Variants in SERINC5 observed in about 807,000 individuals in gnomAD.
SERINC5 encodes the protein serine incorporator 5, also known as chromosome 5 open reading frame 12.
A neutral mutation model predicts 63.1 loss-of-function variants in SERINC5; 41 were observed. The observed-to-expected ratio is 0.65, with a 90% confidence interval of 0.51 to 0.84. The LOEUF (loss-of-function observed/expected upper bound fraction) is 0.84, where lower values mean the gene tolerates loss of function less well. Among genes scored for constraint, SERINC5 ranks in the 40% least tolerant of loss-of-function variants. The pLI is 0.00. For missense variants in SERINC5, 523 were observed against 573.0 expected, an observed-to-expected ratio of 0.91 and a Z score of 0.89; for synonymous variants, 222 against 215.2, an observed-to-expected ratio of 1.03 and a Z score of -0.28.
chr5:80,118,714 ATT>A (rs34814066), intron 11 of SERINC5, among the ~76,000 whole-genome samples: 18 of 108,222 alleles, frequency 1.7e-4, no homozygotes, highest in South Asian at 1.2e-3. Flanking sequence ...TGTCCAGCTA[ATT>A]TTTTTTTTTT....
At chr5:80,201,523 C>G (rs147268821) in intron 2 of SERINC5, among the ~76,000 whole-genome samples, 1 of 152,172 alleles carries the variant, frequency 6.6e-6, no homozygotes, top group Non-Finnish European at 1.5e-5. Flanking sequence ...AACCACAGAG[C>G]CTCACATCAG....
intron 1 of SERINC5, among the ~76,000 whole-genome samples, chr5:80,233,620 T>A (rs1260310088): frequency 6.6e-6 from 1 of 151,978 alleles, no homozygotes; most frequent in Non-Finnish European, 1.5e-5. Context: ...TGAACACTTG[T>A]TAATTTAAAT....
At chr5:80,215,662 T>C (rs1172767016) in intron 1 of SERINC5, among the ~76,000 whole-genome samples, 1 of 152,206 alleles carries the variant, frequency 6.6e-6, no homozygotes, top group East Asian at 1.9e-4. Context: ...TTGTGGGGAC[T>C]GTGAGAGATG....
intron 1 of SERINC5, among the ~76,000 whole-genome samples, chr5:80,247,777 T>C (rs1752227445): frequency 6.6e-6 from 1 of 152,198 alleles, no homozygotes; most frequent in South Asian, 2.1e-4. Flanking sequence ...AGATCCCCAG[T>C]GGATGCCTGA....
At chr5:80,180,371 T>C (rs970304699) in intron 2 of SERINC5, among the ~76,000 whole-genome samples, 6 of 151,990 alleles carry the variant, frequency 3.9e-5, no homozygotes, top group African/African-American at 9.7e-5. Context: ...AGCACAAAAC[T>C]GAAGGTAAAA....
At chr5:80,196,338 A>G (rs1374804391) in intron 2 of SERINC5, among the ~76,000 whole-genome samples, 1 of 152,184 alleles carries the variant, frequency 6.6e-6, no homozygotes, top group African/African-American at 2.4e-5. Context: ...TATAGCGACT[A>G]AAATAAAAAA....
Position 80,169,491 on chromosome 5 carries a change from G to C in SERINC5, c.607C>G (p.Leu203Val), listed in dbSNP as rs931909928. 3 of 1,613,814 alleles carry C rather than the reference G, an allele frequency of 1.9e-6. No homozygotes were observed. In the African/African-American group the frequency reaches 4.0e-5, roughly 22 times the overall value. ...LWYASLALVT[L>V]IMYSIATGGL... ...CCAGTGGCAATGGAATACATGATGA[G>C]CGTCACCAGGGCCAGGGAGGCGTAC... The change falls in exon 6 of 12, where the codon CTC becomes GTC. Residue 203 changes from leucine (L) to valine (V), a missense_variant. Coordinates refer to ENST00000507668, the MANE Select transcript of SERINC5 (RefSeq NM_001174072.3).
At chr5:80,255,872 C>G (rs1171384983) in intron 1 of SERINC5, 24 bp downstream of exon 1, 4 of 1,589,002 alleles carry the variant, frequency 2.5e-6, no homozygotes, top group Non-Finnish European at 3.4e-6. Context: ...TGACAACCCC[C>G]GCGCTGCGCC....
At chr5:80,181,411 T>C (rs1326071730) in intron 2 of SERINC5, among the ~76,000 whole-genome samples, 2 of 133,784 alleles carry the variant, frequency 1.5e-5, no homozygotes, top group Non-Finnish European at 3.3e-5. Flanking sequence ...CAAGCTCAGC[T>C]AATTTTGTGT....
In SERINC5 at chr5:80,177,980, C is replaced by CTCTA. The variant is rs1491312689; in HGVS notation, c.276_279dup (p.Val94Ter). On this transcript the variant is annotated stop_gained and frameshift_variant, in exon 3 of 12. Coordinates refer to ENST00000507668, the MANE Select transcript of SERINC5 (RefSeq NM_001174072.3). LOFTEE classifies it high-confidence loss of function. ...AAGAAACAAGCCATTCCAAAACAGA[C>CTCTA]TCTATACACGGCAGAATATCCCACC... 6.2e-7 allele frequency: 1 copy of CTCTA among 1,612,760 alleles called. No homozygotes were observed. Among genetic ancestry groups the CTCTA allele is most frequent in the Admixed American group, 1.7e-5 (1 of 59,856 alleles).
At chr5:80,178,111 G>T in intron 2 of SERINC5, 47 bp from the exon 3 acceptor site, 2 of 1,348,144 alleles carry the variant, frequency 1.5e-6, no homozygotes, top group Non-Finnish European at 2.0e-6. Context: ...TGAGTGAGAG[G>T]TGGACTGTCA....
chr5:80,238,801 A>C (rs1014252467), intron 1 of SERINC5, among the ~76,000 whole-genome samples: 2 of 151,980 alleles, frequency 1.3e-5, no homozygotes, highest in Non-Finnish European at 2.9e-5. Flanking sequence ...AAAAAAAAAA[A>C]AAAAAAACCC....
chr5:80,143,698 G>A lies in SERINC5; in HGVS notation c.1351C>T (p.Pro451Ser). Residue 451 changes from proline to serine, a missense_variant, in exon 12 of 12, where the codon CCC (proline) becomes TCC (serine). Physicochemically the swap from Pro to Ser is moderately conservative, Grantham distance 74. Coordinates refer to ENST00000507668, the MANE Select transcript of SERINC5 (RefSeq NM_001174072.3). ...AACTCCCGGGTGGGGCAGCAGAGGG[G>A]AGCGACCAGCGTACACAGGTACAAC... ...VLLYLCTLVAPLCCPTREFSV is the reference protein window; with the variant it reads ...VLLYLCTLVASLCCPTREFSV The A allele has an allele frequency of 1.3e-6, 2 of 1,536,102 alleles. No homozygotes were observed. The highest frequency in any genetic ancestry group is 1.2e-5 in the South Asian group (1 of 84,052).
chr5:80,196,577 A>G (rs186012276), intron 2 of SERINC5, among the ~76,000 whole-genome samples: 2 of 152,358 alleles, frequency 1.3e-5, no homozygotes, highest in Non-Finnish European at 1.5e-5. Flanking sequence ...AAATCAGTAC[A>G]CGAATGTTCA....
At chr5:80,253,744 G>T (rs1752526723) in intron 1 of SERINC5, among the ~76,000 whole-genome samples, 1 of 152,102 alleles carries the variant, frequency 6.6e-6, no homozygotes, top group Non-Finnish European at 1.5e-5. Flanking sequence ...GACAGTACCA[G>T]TACCATATTC....
chr5:80,199,459 T>A (rs1228493256), intron 2 of SERINC5, among the ~76,000 whole-genome samples: 3 of 152,212 alleles, frequency 2.0e-5, no homozygotes, highest in Non-Finnish European at 4.4e-5. Context: ...TTATTACTCA[T>A]ACAAGTCACT....
At chr5:80,219,996 T>C in intron 1 of SERINC5, among the ~76,000 whole-genome samples, 1 of 151,794 alleles carries the variant, frequency 6.6e-6, no homozygotes, top group East Asian at 1.9e-4. Flanking sequence ...TCACCTGAGG[T>C]CAGGAGTTCA....
chr5:80,224,925 T>A (rs1298244084), intron 1 of SERINC5, among the ~76,000 whole-genome samples: 3 of 24,510 alleles, frequency 1.2e-4, no homozygotes, highest in Non-Finnish European at 2.5e-4. Context: ...CGCCCAGCGT[T>A]TTTTTTTTTG....
chr5:80,244,612 G>A (rs547542703), intron 1 of SERINC5, among the ~76,000 whole-genome samples: 28 of 151,914 alleles, frequency 1.8e-4, no homozygotes, highest in Non-Finnish European at 3.2e-4. Context: ...GGGTTGATCA[G>A]GAGTTCGAGA....
Sources: allele counts gnomAD v4.1 joint callset (sites outside exome capture counted in the v4.1 genomes callset), GRCh38; gene constraint gnomAD v4.1.1; transcripts MANE v1.5; gene names NCBI Gene and HGNC (gene_info 2026-07-23, HGNC 2026-07-21).